Variants in CCSER1 observed in about 807,000 individuals in gnomAD.
CCSER1 encodes the protein coiled-coil serine rich protein 1, also known as serine-rich coiled-coil domain-containing protein 1.
A neutral mutation model predicts 82.0 loss-of-function variants in CCSER1; 41 were observed. That is an observed-to-expected ratio of 0.50 (90% CI 0.39 to 0.65). CCSER1 has a LOEUF of 0.65. CCSER1 is among the 30% of genes least tolerant of loss of function. The pLI is 0.00. For synonymous variants in CCSER1, 414 were observed against 383.9 expected (o/e 1.08, Z -0.92); for missense variants, 1,119 against 1,064.2 (o/e 1.05, Z -0.72).
intron 3 of CCSER1, among the ~76,000 whole-genome samples, chr4:90,357,920 T>A (rs1391525106): frequency 6.6e-6 from 1 of 151,922 alleles, no homozygotes; most frequent in Non-Finnish European, 1.5e-5. Flanking sequence ...AATATTATAG[T>A]CAGAAAGAAA....
chr4:90,983,238 G>T (rs73834715), intron 9 of CCSER1, among the ~76,000 whole-genome samples: 4,718 of 151,710 alleles, frequency 0.031, 228 homozygotes, highest in African/African-American at 0.11. Context: ...TTTTTGTAGA[G>T]AATAGACATC....
rs532528570 is a variant in CCSER1 at position 90,154,381 on chromosome 4, T to C, written c.-42+26550T>C. ...ATGCGGGCTCTTTTTTGGTTCCATA[T>C]GAACTTTTAAGTAGTTTTTTTGAAT... On this transcript the variant is annotated intron_variant, in intron 1 of 10. Coordinates refer to ENST00000509176, the MANE Select transcript of CCSER1 (RefSeq NM_001145065.2). Among the ~76,000 whole-genome samples the C allele has an allele frequency of 3.0e-4, 45 of 152,358 alleles. No homozygotes were observed. The East Asian group carries it at 7.9e-3, about 27-fold the overall frequency.
At chr4:91,395,142 A>G (rs1005474100) in intron 10 of CCSER1, among the ~76,000 whole-genome samples, 2 of 152,000 alleles carry the variant, frequency 1.3e-5, no homozygotes, top group Non-Finnish European at 2.9e-5. Context: ...TTCTTTGTGC[A>G]CTTGTCTGAT....
In CCSER1 at chr4:90,875,675, T is replaced by G. The variant is rs137873220; in HGVS notation, c.2095-47695T>G. Among the ~76,000 whole-genome samples the G allele has an allele frequency of 1.8e-3, 280 of 152,274 alleles. 2 individuals carry two copies. Among genetic ancestry groups the G allele is most frequent in the Middle Eastern group, 3.4e-3 (1 of 294 alleles). ...TATTATATAGTTGTAGATCATAAACTTATAGCTTAAATTAAACATCACAGC... is the reference window on the plus strand; with the variant it reads ...TATTATATAGTTGTAGATCATAAACGTATAGCTTAAATTAAACATCACAGC... On this transcript the variant is annotated intron_variant, in intron 8 of 10. Transcript: ENST00000509176.
intron 5 of CCSER1, among the ~76,000 whole-genome samples, chr4:90,542,853 T>A (rs1178374785): frequency 6.6e-6 from 1 of 152,130 alleles, no homozygotes; most frequent in Admixed American, 6.6e-5. Flanking sequence ...AAACCTCTGA[T>A]CATAGCTCTT....
At chr4:90,970,538 T>A (rs905528574) in intron 9 of CCSER1, among the ~76,000 whole-genome samples, 2 of 151,934 alleles carry the variant, frequency 1.3e-5, no homozygotes, top group Non-Finnish European at 1.5e-5. Flanking sequence ...ATTGAATATA[T>A]CATCTCTATA....
At chr4:91,401,498 A>G (rs1752328402) in intron 10 of CCSER1, among the ~76,000 whole-genome samples, 1 of 151,878 alleles carries the variant, frequency 6.6e-6, no homozygotes, top group Non-Finnish European at 1.5e-5. Context: ...TGCTGCACCC[A>G]TTAACTCGTC....
In CCSER1 at chr4:91,493,875, C is replaced by G. The variant is rs189580105; in HGVS notation, c.2218-104697C>G. Among the ~76,000 whole-genome samples the G allele has an allele frequency of 4.1e-3, 619 of 151,720 alleles. 6 individuals carry two copies. Among genetic ancestry groups the G allele is most frequent in the African/African-American group, 0.014 (581 of 41,442 alleles). ...AATTTTCAGAAATATGGAAAGTTAG[C>G]AAGGCATGATAACTTTCACTCTGTA... On this transcript the variant is annotated intron_variant, in intron 10 of 10. Coordinates refer to ENST00000509176, the MANE Select transcript of CCSER1 (RefSeq NM_001145065.2).
chr4:91,029,341 G>A (rs1297300126), intron 9 of CCSER1, among the ~76,000 whole-genome samples: 1 of 151,696 alleles, frequency 6.6e-6, no homozygotes, highest in Non-Finnish European at 1.5e-5. Flanking sequence ...TATACTCGAG[G>A]CAAAACTATG....
intron 5 of CCSER1, among the ~76,000 whole-genome samples, chr4:90,540,276 T>G (rs561643845): frequency 1.3e-4 from 20 of 152,230 alleles, no homozygotes; most frequent in African/African-American, 4.3e-4. Context: ...TATTTCAGAT[T>G]AATAAGAGTT....
chr4:90,452,527 T>C (rs939957132), intron 4 of CCSER1, among the ~76,000 whole-genome samples: 16 of 152,202 alleles, frequency 1.1e-4, no homozygotes, highest in African/African-American at 3.4e-4. Flanking sequence ...GGCCATTCTT[T>C]AGCTGTCAAA....
At chr4:91,552,826 G>T (rs1270755344) in intron 10 of CCSER1, among the ~76,000 whole-genome samples, 1 of 151,368 alleles carries the variant, frequency 6.6e-6, no homozygotes, top group African/African-American at 2.4e-5. Context: ...TCTAAAAAAA[G>T]ATAATTTTTT....
intron 4 of CCSER1, among the ~76,000 whole-genome samples, chr4:90,404,852 A>G (rs1753477127): frequency 6.6e-6 from 1 of 152,184 alleles, no homozygotes; most frequent in Non-Finnish European, 1.5e-5. Context: ...GGGACAAAAG[A>G]ATCTGAATAG....
intron 5 of CCSER1, among the ~76,000 whole-genome samples, chr4:90,531,916 T>C (rs1340824206): frequency 6.6e-6 from 1 of 152,122 alleles, no homozygotes; most frequent in African/African-American, 2.4e-5. Context: ...TATCAAATGA[T>C]TTGCATTACA....
chr4:91,538,071 T>C (rs560224006), intron 10 of CCSER1, among the ~76,000 whole-genome samples: 2 of 152,014 alleles, frequency 1.3e-5, no homozygotes, highest in African/African-American at 4.8e-5. Flanking sequence ...ATCAGTAAAA[T>C]TAATTCATAC....
chr4:90,683,832 T>G (rs1345869980), intron 6 of CCSER1, among the ~76,000 whole-genome samples: 1 of 152,106 alleles, frequency 6.6e-6, no homozygotes, highest in Non-Finnish European at 1.5e-5. Flanking sequence ...AATGAGGGAT[T>G]GTATGTCTGA....
At chr4:90,957,906 C>G (rs76459037) in intron 9 of CCSER1, among the ~76,000 whole-genome samples, 183 of 151,548 alleles carry the variant, frequency 1.2e-3, no homozygotes, top group African/African-American at 4.4e-3. Flanking sequence ...AAAATAACAT[C>G]CTAATTCAAA....
At chr4:90,672,329 G>T (rs1732947825) in intron 6 of CCSER1, among the ~76,000 whole-genome samples, 1 of 151,998 alleles carries the variant, frequency 6.6e-6, no homozygotes, top group African/African-American at 2.4e-5. Flanking sequence ...AACACTTACT[G>T]CTTCACCTTT....
intron 7 of CCSER1, among the ~76,000 whole-genome samples, chr4:90,749,881 T>C (rs1409347576): frequency 1.3e-5 from 2 of 151,880 alleles, no homozygotes; most frequent in African/African-American, 4.8e-5. Flanking sequence ...ACTTCCACAA[T>C]GGTTGAACTA....
Sources: allele counts gnomAD v4.1 joint callset (sites outside exome capture counted in the v4.1 genomes callset), GRCh38; gene constraint gnomAD v4.1.1; transcripts MANE v1.5; gene names NCBI Gene and HGNC (gene_info 2026-07-23, HGNC 2026-07-21).